Variants in SHB observed in about 807,000 individuals in gnomAD.
SHB encodes SH2 domain containing adaptor protein B, also known as SH2 domain-containing adapter protein B.
In SHB, 20 loss-of-function variants were observed where a neutral mutation model predicts 52.3. That is an observed-to-expected ratio of 0.38 (90% CI 0.27 to 0.56). The LOEUF is 0.56. Ranked by LOEUF, SHB falls within the 20% of genes least tolerant of loss-of-function variation. The pLI is 0.71. For missense variants in SHB, 825 were observed against 723.3 expected, an observed-to-expected ratio of 1.14 and a Z score of -1.61; for synonymous variants, 397 against 316.5, an observed-to-expected ratio of 1.25 and a Z score of -2.70.
intron 5 of SHB, among the ~76,000 whole-genome samples, chr9:37,924,760 G>T (rs959782820): frequency 6.6e-6 from 1 of 152,200 alleles, no homozygotes; most frequent in Admixed American, 6.5e-5. Flanking sequence ...AAACTGTAGA[G>T]CAAACAACTT....
intron 4 of SHB, among the ~76,000 whole-genome samples, chr9:37,949,893 G>A (rs368569320): frequency 2.1e-4 from 32 of 152,248 alleles, no homozygotes; most frequent in East Asian, 1.5e-3. Flanking sequence ...CAGAGGGCCC[G>A]ACTCATCCCT....
intron 5 of SHB, among the ~76,000 whole-genome samples, chr9:37,940,702 A>G (rs1226967697): frequency 1.3e-5 from 2 of 152,348 alleles, no homozygotes; most frequent in South Asian, 2.1e-4. Flanking sequence ...TCTGGGCCTC[A>G]GTATCTCCAC....
At chr9:37,932,835 G>A (rs1763383959) in intron 5 of SHB, among the ~76,000 whole-genome samples, 2 of 152,136 alleles carry the variant, frequency 1.3e-5, no homozygotes, top group African/African-American at 4.8e-5. Flanking sequence ...GGCTAGTCTT[G>A]AACTCCCAGG....
intron 2 of SHB, among the ~76,000 whole-genome samples, chr9:38,001,691 T>C (rs995121957): frequency 1.3e-5 from 2 of 152,060 alleles, no homozygotes; most frequent in Non-Finnish European, 2.9e-5. Context: ...CCTCTTAGAG[T>C]GGGAGGAGAC....
chr9:38,067,897 G>A, intron 1 of SHB, 32 bp downstream of exon 1: 2 of 1,430,872 alleles, frequency 1.4e-6, no homozygotes, highest in Non-Finnish European at 1.8e-6. Flanking sequence ...CGTGGCTCTG[G>A]AACCTCGGGA....
chr9:37,988,466 G>A (rs1444193351), intron 2 of SHB, among the ~76,000 whole-genome samples: 1 of 152,068 alleles, frequency 6.6e-6, no homozygotes, highest in East Asian at 1.9e-4. Context: ...AAGTTAAGGT[G>A]GAAGGGGACC....
rs377498208 is a variant in SHB at position 37,955,933 on chromosome 9, G to A, written c.1176C>T (p.Cys392=). The change falls in exon 4 of 6, where the codon TGC becomes TGT. Residue 392 remains cysteine, a synonymous_variant. Coordinates refer to ENST00000377707, the MANE Select transcript of SHB (RefSeq NM_003028.3). The stretch of plus-strand genomic sequence containing the variant: ...GATCCACCCTTTCTCCTAGGATCCC[G>A]CAGAACTCAGGGCTCCCATGTTTGA... ...KPIKHGSPEF[C]GILGERVDPA... The A allele has an allele frequency of 3.7e-6, 6 of 1,613,510 alleles. No homozygotes were observed. The highest frequency in any genetic ancestry group is 1.3e-5 in the African/African-American group (1 of 75,038).
At chr9:38,008,783 G>A (rs1435381464) in intron 2 of SHB, among the ~76,000 whole-genome samples, 2 of 152,214 alleles carry the variant, frequency 1.3e-5, no homozygotes, top group Non-Finnish European at 2.9e-5. Context: ...TGGTGGGGAG[G>A]GCAGGCCAGG....
chr9:37,960,835 CAG>C (rs1832685688), intron 3 of SHB, among the ~76,000 whole-genome samples: 1 of 152,302 alleles, frequency 6.6e-6, no homozygotes, highest in Admixed American at 6.5e-5. Flanking sequence ...AACGGCGGTC[CAG>C]AGGAGTAGTA....
intron 1 of SHB, among the ~76,000 whole-genome samples, chr9:38,063,893 T>G (rs1439697347): frequency 6.6e-6 from 1 of 151,572 alleles, no homozygotes; most frequent in Non-Finnish European, 1.5e-5. Context: ...TGACAAAATA[T>G]AAAGTGTTGG....
chr9:38,026,386 CG>C lies in SHB; in HGVS notation c.718-10256del, dbSNP rs549341691. Among the ~76,000 whole-genome samples the C allele has an allele frequency of 4.1e-4, 63 of 152,350 alleles. No individual in the cohort carries two copies. The South Asian group carries it at 6.4e-3, about 16-fold the overall frequency. ...CTTTTAATGATCAGCTGCAGAGGCG[CG>C]GGAACCCGCACTAAGTGAAGGATCA... is the stretch of plus-strand genomic sequence containing the variant. On this transcript the variant is annotated intron_variant, in intron 1 of 5. Transcript: ENST00000377707.
chr9:37,998,593 C>T (rs1017184697), intron 2 of SHB, among the ~76,000 whole-genome samples: 1 of 152,224 alleles, frequency 6.6e-6, no homozygotes, highest in African/African-American at 2.4e-5. Flanking sequence ...GCTGAGACTA[C>T]AGGCACACGC....
chr9:38,037,964 T>C lies in SHB; in HGVS notation c.718-21833A>G, dbSNP rs75520068. Among the ~76,000 whole-genome samples the C allele has an allele frequency of 7.2e-3, 1,095 of 152,340 alleles. 5 individuals are homozygous for C. Among genetic ancestry groups the C allele is most frequent in the Non-Finnish European group, 0.01 (692 of 68,036 alleles). On this transcript the variant is annotated intron_variant, in intron 1 of 5. Transcript: ENST00000377707. ...CACTCTAACAAGATTTTTTTTAAAA[T>C]CTGGCTCTCTTCCTACTGACTAAAA...
chr9:37,918,517 G>A lies in SHB; in HGVS notation c.*1304C>T, dbSNP rs1832133252. Among the ~76,000 whole-genome samples, 3 of 150,468 alleles carry A rather than the reference G, an allele frequency of 2.0e-5. No homozygotes were observed. The South Asian group carries it at 6.3e-4, about 32-fold the overall frequency. ...TGTGTGTGTGTGTGTGTGTGTGTAG[G>A]TGTTCTTGTGTGTGGAAGCAGTGTG... On this transcript the variant is annotated 3_prime_UTR_variant, in exon 6 of 6. Coordinates refer to ENST00000377707, the MANE Select transcript of SHB (RefSeq NM_003028.3).
At chr9:38,057,166 GA>G (rs1358299916) in intron 1 of SHB, among the ~76,000 whole-genome samples, 7 of 152,142 alleles carry the variant, frequency 4.6e-5, no homozygotes, top group Non-Finnish European at 1.0e-4. Flanking sequence ...TGAAAACGAG[GA>G]AAAGCCCAAC....
chr9:38,039,172 T>C (rs987237412), intron 1 of SHB, among the ~76,000 whole-genome samples: 1 of 152,204 alleles, frequency 6.6e-6, no homozygotes, highest in African/African-American at 2.4e-5. Context: ...TAAGATAAAG[T>C]GCCCTGTCAG....
intron 5 of SHB, among the ~76,000 whole-genome samples, chr9:37,935,170 C>T (rs1587198600): frequency 6.6e-6 from 1 of 152,180 alleles, no homozygotes; most frequent in Non-Finnish European, 1.5e-5. Flanking sequence ...CCATCTCCTG[C>T]GTTTGTTGCC....
chr9:37,968,297 G>C (rs1051245667), intron 3 of SHB, among the ~76,000 whole-genome samples: 2 of 152,160 alleles, frequency 1.3e-5, no homozygotes, highest in Non-Finnish European at 2.9e-5. Context: ...TTACAGATAA[G>C]TAAACTAAGG....
intron 1 of SHB, among the ~76,000 whole-genome samples, chr9:38,055,603 T>C (rs1821803222): frequency 6.6e-6 from 1 of 152,146 alleles, no homozygotes. Context: ...TTCTCTTGTC[T>C]GCTCAGGGAG....
Sources: gnomAD v4.1 joint callset for allele counts (sites outside exome capture counted in the v4.1 genomes callset) on GRCh38, gnomAD v4.1.1 for gene constraint, MANE v1.5 for transcripts, NCBI Gene and HGNC (gene_info 2026-07-23, HGNC 2026-07-21) for gene names.